The following ITGB6 variants were observed in gnomAD, a reference collection of about 807,000 sequenced individuals.
ITGB6 encodes the protein integrin beta-6.
ITGB6 carries 80 observed loss-of-function variants against 84.5 expected under a neutral mutation model. The ratio of observed to expected loss-of-function variants is 0.95; its 90% CI spans 0.79 to 1.14. ITGB6 has a LOEUF of 1.14. Among genes scored for constraint, ITGB6 ranks in the 50% most tolerant of loss-of-function variants. The pLI is 0.00. For synonymous variants in ITGB6, 383 were observed against 354.9 expected, an observed-to-expected ratio of 1.08 and a Z score of -0.89; for missense variants, 1,006 against 968.0, an observed-to-expected ratio of 1.04 and a Z score of -0.52.
chr2:160,146,677 T>A (rs1048449548), intron 7 of ITGB6, among the ~76,000 whole-genome samples: 3 of 152,212 alleles, frequency 2.0e-5, no homozygotes, highest in African/African-American at 7.2e-5. Context: ...TCTCCCTGTT[T>A]CTCTCTCTTT....
Position 160,137,568 on chromosome 2 carries a change from G to C in ITGB6, c.1526C>G (p.Pro509Arg), listed in dbSNP as rs767576153. 1.5e-5 allele frequency: 24 copies of C among 1,614,088 alleles called. No homozygotes were observed. The highest frequency in any genetic ancestry group is 1.9e-5 in the Non-Finnish European group (22 of 1,180,036). ...GCAGTCACCCCTTCCGCTGCAGGAG[G>C]GATGATCTGGGGCCTCCTTGCAGGA... Reference protein sequence around the residue: ...TDSCKEAPDHPSCSGRGDCYC... With the variant: ...TDSCKEAPDHRSCSGRGDCYC... The change falls in exon 10 of 15, where the codon CCC becomes CGC. Residue 509 changes from proline to arginine, a missense_variant. Pro to Arg is a moderately radical substitution (Grantham distance 103). Transcript: ENST00000283249.
rs1682671202 is a variant in ITGB6 at position 160,114,459 on chromosome 2, CA to C, written c.1982-2261del. On this transcript the variant is annotated intron_variant, in intron 12 of 14. Transcript: ENST00000283249. ...CTCAGAGAAGGAAGAAATGTGAAAA[CA>C]GGGGTGAGGATGTGGGCCTGGGAAG... Among the ~76,000 whole-genome samples the C allele has an allele frequency of 5.9e-5, 9 of 152,120 alleles. No individual in the cohort carries two copies. The South Asian group carries it at 1.9e-3, about 32-fold the overall frequency.
intron 7 of ITGB6, among the ~76,000 whole-genome samples, chr2:160,143,687 G>A (rs760384127): frequency 3.9e-5 from 6 of 152,088 alleles, no homozygotes; most frequent in Non-Finnish European, 7.4e-5. Context: ...CAAACATAAT[G>A]ATATTCTATC....
chr2:160,129,373 C>T (rs1306337179), intron 10 of ITGB6, among the ~76,000 whole-genome samples: 1 of 132,936 alleles, frequency 7.5e-6, no homozygotes, highest in Non-Finnish European at 1.5e-5. Context: ...TGCAAACTCT[C>T]GTAACTGATA....
At chr2:160,160,832 AG>A (rs962641968) in intron 7 of ITGB6, among the ~76,000 whole-genome samples, 11 of 152,182 alleles carry the variant, frequency 7.2e-5, no homozygotes, top group Non-Finnish European at 1.5e-4. Flanking sequence ...CTGCAACCAT[AG>A]GAAAGGCTTT....
chr2:160,196,417 A>T lies in ITGB6; in HGVS notation c.145T>A (p.Phe49Ile). The T allele has an allele frequency of 6.3e-7, 1 of 1,597,766 alleles. No individual in the cohort carries two copies. ...PQCAWCAQEN[F>I]THPSGVGERC... The stretch of plus-strand genomic sequence containing the variant: ...TCGCCAACTCCAGATGGATGAGTAA[A>T]ATTCTAAAAAAGAAAAAGAAAAACA... The change falls in exon 3 of 15, where the codon TTT becomes ATT. Residue 49 changes from phenylalanine (F) to isoleucine (I), a missense_variant. Physicochemically the swap from Phe to Ile is conservative, Grantham distance 21. Coordinates refer to ENST00000283249, the MANE Select transcript of ITGB6 (RefSeq NM_000888.5).
chr2:160,133,228 C>A (rs756284920), intron 10 of ITGB6, among the ~76,000 whole-genome samples: 1 of 151,970 alleles, frequency 6.6e-6, no homozygotes, highest in Non-Finnish European at 1.5e-5. Flanking sequence ...ATCTACAAAG[C>A]AAACGGAAAA....
chr2:160,102,639 G>T (rs192940221), intron 14 of ITGB6, among the ~76,000 whole-genome samples: 15 of 152,308 alleles, frequency 9.8e-5, no homozygotes, highest in Non-Finnish European at 5.9e-5. Context: ...TTATAGATGT[G>T]CCTCCAGGTG....
intron 7 of ITGB6, among the ~76,000 whole-genome samples, chr2:160,147,149 T>TAAGA (rs902196297): frequency 1.5e-5 from 2 of 133,280 alleles, no homozygotes; most frequent in Non-Finnish European, 3.3e-5. Context: ...AGAAACAAAG[T>TAAGA]AAGAAAGAAA....
chr2:160,153,906 T>C (rs1440629514), intron 7 of ITGB6, among the ~76,000 whole-genome samples: 1 of 152,124 alleles, frequency 6.6e-6, no homozygotes, highest in African/African-American at 2.4e-5. Flanking sequence ...CTAATTAGAA[T>C]GGTGATCATT....
At chr2:160,168,586 A>AT (rs1217753320) in intron 7 of ITGB6, among the ~76,000 whole-genome samples, 26 of 152,068 alleles carry the variant, frequency 1.7e-4, no homozygotes, top group South Asian at 6.2e-4. Flanking sequence ...CATATATCGT[A>AT]TTTTTTTGCA....
chr2:160,163,411 C>G (rs1338779435), intron 7 of ITGB6, among the ~76,000 whole-genome samples: 2 of 152,086 alleles, frequency 1.3e-5, no homozygotes, highest in African/African-American at 4.8e-5. Flanking sequence ...GTGGGTGGAT[C>G]ATTTGAGATC....
intron 4 of ITGB6, among the ~76,000 whole-genome samples, chr2:160,178,675 T>G (rs890485794): frequency 5.3e-5 from 6 of 113,842 alleles, no homozygotes; most frequent in African/African-American, 1.6e-4. Flanking sequence ...TATCTTTCTC[T>G]CTCTCTCTCT....
At chr2:160,199,457 T>C (rs954334748) in intron 1 of ITGB6, among the ~76,000 whole-genome samples, 199 bp from the exon 2 acceptor site, 1 of 152,244 alleles carries the variant, frequency 6.6e-6, no homozygotes, top group Non-Finnish European at 1.5e-5. Context: ...TGTATGTATA[T>C]TAAAAATTAT....
At chr2:160,153,356 A>C (rs1305332085) in intron 7 of ITGB6, among the ~76,000 whole-genome samples, 2 of 152,256 alleles carry the variant, frequency 1.3e-5, no homozygotes, top group Admixed American at 1.3e-4. Flanking sequence ...CCTATTTAAT[A>C]AATGGTGATG....
chr2:160,146,329 C>G (rs1684185874), intron 7 of ITGB6, among the ~76,000 whole-genome samples: 3 of 152,186 alleles, frequency 2.0e-5, no homozygotes. Flanking sequence ...AAACCAAATG[C>G]TCAGAGCAGC....
intron 4 of ITGB6, among the ~76,000 whole-genome samples, chr2:160,189,951 C>A (rs1001283784): frequency 2.0e-4 from 31 of 152,104 alleles, no homozygotes; most frequent in Middle Eastern, 3.4e-3. Flanking sequence ...CTTGGAACCA[C>A]CCCAAATGTC....
intron 7 of ITGB6, among the ~76,000 whole-genome samples, chr2:160,144,420 CAT>C (rs1331925256): frequency 6.6e-6 from 1 of 152,194 alleles, no homozygotes; most frequent in Non-Finnish European, 1.5e-5. Context: ...TTCAAATAAA[CAT>C]ATGTCACAAA....
rs755118861 is a variant in ITGB6, at chr2:160,107,662, C to T, written c.2268+17G>A. 1.2e-6 allele frequency: 2 copies of T among 1,613,166 alleles called. No individual in the cohort carries two copies. Among genetic ancestry groups the T allele is most frequent in the Non-Finnish European group, 1.7e-6 (2 of 1,179,246 alleles). On this transcript the variant is annotated intron_variant, in intron 14 of 14. Coordinates refer to ENST00000283249, the MANE Select transcript of ITGB6 (RefSeq NM_000888.5). ...CTTTCTCCCCTAGACAAGGAGTAGC[C>T]CTAAGTTTCCACATACCGTTTGCCA...
Sources: gnomAD v4.1 joint callset for allele counts (sites outside exome capture counted in the v4.1 genomes callset) on GRCh38, gnomAD v4.1.1 for gene constraint, MANE v1.5 for transcripts, NCBI Gene and HGNC (gene_info 2026-07-23, HGNC 2026-07-21) for gene names.